Variants in PLCB1 observed in about 807,000 individuals in gnomAD.
PLCB1 encodes the protein phospholipase C beta 1, also known as 1-phosphatidylinositol 4,5-bisphosphate phosphodiesterase beta-1.
Under a neutral mutation model 161.8 loss-of-function variants are expected in PLCB1, and 46 were observed. The ratio of observed to expected loss-of-function variants is 0.28; its 90% CI spans 0.22 to 0.36. PLCB1 has a LOEUF of 0.36. Among genes scored for constraint, PLCB1 ranks in the 10% least tolerant of loss-of-function variants. PLCB1 has a pLI of 1.00. For synonymous variants in PLCB1, 517 were observed against 503.7 expected (o/e 1.03, Z -0.35); for missense variants, 1,016 against 1,472.5 (o/e 0.69, Z 5.07).
At chr20:8,401,760 T>G (rs1367934415) in intron 3 of PLCB1, among the ~76,000 whole-genome samples, 2 of 152,208 alleles carry the variant, frequency 1.3e-5, no homozygotes, top group Non-Finnish European at 2.9e-5. Flanking sequence ...GATTCCTCAA[T>G]GCCTCAGCCT....
chr20:8,220,669 C>G (rs1979356562), intron 2 of PLCB1, among the ~76,000 whole-genome samples: 1 of 152,172 alleles, frequency 6.6e-6, no homozygotes, highest in South Asian at 2.1e-4. Context: ...TCGCTGGAGC[C>G]TAGAGAAGGA....
intron 4 of PLCB1, among the ~76,000 whole-genome samples, chr20:8,636,988 C>T (rs1988780959): frequency 6.6e-6 from 1 of 150,412 alleles, no homozygotes; most frequent in Non-Finnish European, 1.5e-5. Flanking sequence ...GCCCTGATTG[C>T]ATTACCGGTG....
chr20:8,872,340 C>T (rs1311924432), intron 31 of PLCB1, among the ~76,000 whole-genome samples: 1 of 152,198 alleles, frequency 6.6e-6, no homozygotes, highest in Non-Finnish European at 1.5e-5. Context: ...CTTCTGTTTA[C>T]ATCTGGAGTA....
intron 2 of PLCB1, among the ~76,000 whole-genome samples, chr20:8,239,084 A>C (rs1268683462): frequency 6.6e-6 from 1 of 152,028 alleles, no homozygotes; most frequent in Non-Finnish European, 1.5e-5. Flanking sequence ...AAGAACCCTA[A>C]GTGAAAGCAG....
chr20:8,683,262 G>A (rs1488385825), intron 9 of PLCB1, among the ~76,000 whole-genome samples: 3 of 151,912 alleles, frequency 2.0e-5, no homozygotes, highest in Non-Finnish European at 2.9e-5. Flanking sequence ...CAATGTTTTA[G>A]CAGTAGTTAT....
Position 8,818,730 on chromosome 20 carries a change from A to G in PLCB1, c.3423+28469A>G, listed in dbSNP as rs79677085. On this transcript the variant is annotated intron_variant, in intron 31 of 31. Coordinates refer to ENST00000338037, the MANE Select transcript of PLCB1 (RefSeq NM_015192.4). ...ACATGCTTATGAATTGGAAGAGCCAATAGCATAAAAATAAGTTCTGGCCAA... is the reference window on the plus strand; with the variant it reads ...ACATGCTTATGAATTGGAAGAGCCAGTAGCATAAAAATAAGTTCTGGCCAA... Among the ~76,000 whole-genome samples the G allele has an allele frequency of 6.2e-3, 951 of 152,220 alleles. 14 individuals carry two copies. The highest frequency in any genetic ancestry group is 0.022 in the African/African-American group (915 of 41,540).
chr20:8,197,716 A>G (rs1056385846), intron 2 of PLCB1, among the ~76,000 whole-genome samples: 1 of 152,108 alleles, frequency 6.6e-6, no homozygotes, highest in African/African-American at 2.4e-5. Context: ...TTGGTGTTTT[A>G]GACATGAAGT....
chr20:8,879,502 T>G (rs1987898154), intron 31 of PLCB1, among the ~76,000 whole-genome samples: 1 of 152,152 alleles, frequency 6.6e-6, no homozygotes, highest in Non-Finnish European at 1.5e-5. Context: ...TCATGTATAG[T>G]CATATGACAG....
rs894104825 is a variant in PLCB1 at position 8,784,658 on chromosome 20, C to T, written c.3112-3791C>T. 5.3e-5 allele frequency among the ~76,000 whole-genome samples: 8 copies of T among 151,840 alleles called. No homozygotes were observed. In the South Asian group the frequency reaches 1.7e-3, roughly 32 times the overall value. On this transcript the variant is annotated intron_variant, in intron 27 of 31. Coordinates refer to ENST00000338037, the MANE Select transcript of PLCB1 (RefSeq NM_015192.4). Reference sequence around the variant, plus strand: ...CAAACTGAGTACAGTAGGACATTTACATATTTTACATATTAAACAGATATC... The same window carrying T: ...CAAACTGAGTACAGTAGGACATTTATATATTTTACATATTAAACAGATATC...
chr20:8,436,167 T>G (rs1275539233), intron 3 of PLCB1, among the ~76,000 whole-genome samples: 1 of 151,934 alleles, frequency 6.6e-6, no homozygotes, highest in Non-Finnish European at 1.5e-5. Flanking sequence ...GAAACCTGTC[T>G]CTACTAAAAA....
intron 31 of PLCB1, 82 bp downstream of exon 31, chr20:8,790,343 G>C (rs1253499810): frequency 1.0e-6 from 1 of 986,686 alleles, no homozygotes; most frequent in Non-Finnish European, 1.6e-6. Flanking sequence ...GTTTACATAA[G>C]TACCTTGTAC....
At chr20:8,763,758 G>A (rs1600307155) in intron 25 of PLCB1, among the ~76,000 whole-genome samples, 2 of 152,028 alleles carry the variant, frequency 1.3e-5, no homozygotes, top group East Asian at 3.9e-4. Context: ...CTGACCTCAG[G>A]TGATCCTGCC....
intron 2 of PLCB1, among the ~76,000 whole-genome samples, chr20:8,283,593 A>G (rs541274935): frequency 6.6e-6 from 1 of 151,602 alleles, no homozygotes; most frequent in South Asian, 2.1e-4. Context: ...TAAAAAAATT[A>G]TTTTTCAGTT....
rs1218668886 is a variant in PLCB1 at position 8,421,478 on chromosome 20, C to T, written c.246+50028C>T. 3.3e-5 allele frequency among the ~76,000 whole-genome samples: 5 copies of T among 152,060 alleles called. No individual in the cohort carries two copies. The East Asian group carries it at 9.6e-4, about 29-fold the overall frequency. On this transcript the variant is annotated intron_variant, in intron 3 of 31. Transcript: ENST00000338037. ...GCCCTATTGAAGGAGCACCCAAGAC[C>T]ATCAGATGGTCTGCAGAGAAAGTGT...
intron 3 of PLCB1, among the ~76,000 whole-genome samples, chr20:8,462,820 C>T (rs1224722195): frequency 8.0e-6 from 1 of 124,494 alleles, no homozygotes; most frequent in Non-Finnish European, 1.8e-5. Context: ...GGCTTAGACG[C>T]AAAACACTTC....
chr20:8,449,770 T>A (rs1372088425), intron 3 of PLCB1, among the ~76,000 whole-genome samples: 1 of 152,180 alleles, frequency 6.6e-6, no homozygotes, highest in Non-Finnish European at 1.5e-5. Flanking sequence ...CATCCTAGGA[T>A]CAGCTCCCAA....
At chr20:8,713,330 G>A (rs1286836667) in intron 12 of PLCB1, among the ~76,000 whole-genome samples, 4 of 152,130 alleles carry the variant, frequency 2.6e-5, no homozygotes, top group South Asian at 2.1e-4. Context: ...TTACAGGCAC[G>A]CACCACCACA....
chr20:8,381,125 C>G (rs1276513079), intron 3 of PLCB1, among the ~76,000 whole-genome samples: 1 of 152,072 alleles, frequency 6.6e-6, no homozygotes. Context: ...CTATCAATGC[C>G]TAGTTTATTG....
intron 31 of PLCB1, among the ~76,000 whole-genome samples, chr20:8,855,892 C>A (rs1203392886): frequency 6.6e-6 from 1 of 152,026 alleles, no homozygotes; most frequent in Non-Finnish European, 1.5e-5. Flanking sequence ...TTTTTAGAAC[C>A]CTTTCTTCCC....
Sources: allele counts gnomAD v4.1 joint callset (sites outside exome capture counted in the v4.1 genomes callset), GRCh38; gene constraint gnomAD v4.1.1; transcripts MANE v1.5; gene names NCBI Gene and HGNC (gene_info 2026-07-23, HGNC 2026-07-21).